The following WHAMM variants were observed in gnomAD, a reference collection of about 807,000 sequenced individuals.
WHAMM encodes the protein WASP homolog associated with actin, golgi membranes and microtubules.
A neutral mutation model predicts 76.5 loss-of-function variants in WHAMM; 67 were observed. The observed-to-expected ratio is 0.88, with a 90% CI of 0.72 to 1.07. WHAMM has a LOEUF of 1.07. Ranked by LOEUF, WHAMM falls within the 50% of genes least tolerant of loss-of-function variation. WHAMM has a pLI of 0.00. For synonymous variants in WHAMM, 419 were observed against 422.1 expected, an observed-to-expected ratio of 0.99 and a Z score of 0.09; for missense variants, 1,021 against 1,051.1, an observed-to-expected ratio of 0.97 and a Z score of 0.40.
chr15:82,828,714 G>A (rs2050978945), intron 8 of WHAMM, among the ~76,000 whole-genome samples: 1 of 152,104 alleles, frequency 6.6e-6, no homozygotes, highest in Non-Finnish European at 1.5e-5. Flanking sequence ...TAAGCTCCCA[G>A]CGAAACTGGA....
intron 2 of WHAMM, among the ~76,000 whole-genome samples, chr15:82,816,467 G>C (rs2050728100): frequency 6.6e-6 from 1 of 152,024 alleles, no homozygotes; most frequent in East Asian, 1.9e-4. Flanking sequence ...AGTGAAAGTG[G>C]GTTTTTTTTT....
intron 5 of WHAMM, among the ~76,000 whole-genome samples, chr15:82,822,772 T>G (rs2050851112): frequency 6.6e-6 from 1 of 152,124 alleles, no homozygotes; most frequent in Non-Finnish European, 1.5e-5. Flanking sequence ...AAAATGTTCT[T>G]TTAGAACTCC....
At chr15:82,815,111 T>TTATATATATATATATATA (rs147147568) in intron 2 of WHAMM, among the ~76,000 whole-genome samples, 3 of 49,608 alleles carry the variant, frequency 6.0e-5, no homozygotes, top group Non-Finnish European at 1.0e-4. Flanking sequence ...CTCACAGATT[T>TTATATATATATATATATA]TATATATATA....
At chr15:82,817,707 G>C (rs1270264281) in intron 3 of WHAMM, among the ~76,000 whole-genome samples, 1 of 152,108 alleles carries the variant, frequency 6.6e-6, no homozygotes, top group Non-Finnish European at 1.5e-5. Context: ...AACTAGGTGA[G>C]ATCATGACTT....
chr15:82,816,647 A>G, intron 2 of WHAMM, 45 bp from the exon 3 acceptor site: 3 of 1,508,044 alleles, frequency 2.0e-6, no homozygotes, highest in African/African-American at 1.4e-5. Context: ...ATGGCTCTAC[A>G]TAACTATTAG....
In WHAMM at chr15:82,813,172, G is replaced by A; in HGVS notation, c.679G>A (p.Ala227Thr). 6.2e-7 allele frequency: 1 copy of A among 1,612,198 alleles called. No homozygotes were observed. Among genetic ancestry groups the A allele is most frequent in the Non-Finnish European group, 8.5e-7 (1 of 1,179,172 alleles). ...GAACGTTTACCAAGAGGAAGATGAA[G>A]CATACCAGGAATTGGTTACCGTGGC... is the stretch of plus-strand genomic sequence containing the variant. ...LMNVYQEEDE[A>T]YQELVTVATM... Residue 227 changes from alanine to threonine, a missense_variant, in exon 2 of 10, where the codon GCA becomes ACA. By Grantham distance (58) the Ala-to-Thr change is moderately conservative. Transcript: ENST00000286760.
At chr15:82,826,544 T>C (rs2050937703) in intron 7 of WHAMM, 48 bp downstream of exon 7, 10 of 1,599,460 alleles carry the variant, frequency 6.3e-6, no homozygotes, top group African/African-American at 1.3e-5. Context: ...TAGCGTGACA[T>C]GCAGGCCTAG....
At chr15:82,826,674 T>C in intron 7 of WHAMM, 77 bp from the exon 8 acceptor site, 1 of 1,529,100 alleles carries the variant, frequency 6.5e-7, no homozygotes, top group Non-Finnish European at 8.8e-7. Flanking sequence ...CTTTCTTTGC[T>C]GAGACATTTT....
At chr15:82,813,491 C>T (rs2050665250) in intron 2 of WHAMM, among the ~76,000 whole-genome samples, 1 of 151,852 alleles carries the variant, frequency 6.6e-6, no homozygotes, top group African/African-American at 2.4e-5. Flanking sequence ...CCTTGGCCTC[C>T]CAAAGCACAG....
At position 82,830,916 on chromosome 15, in the gene WHAMM, G is replaced by GCCCCCACCC. The variant is rs2051020327; in HGVS notation, c.1962_1970dup (p.Pro656_Pro658dup). On this transcript the variant is annotated inframe_insertion, in exon 9 of 10. Coordinates refer to ENST00000286760, the MANE Select transcript of WHAMM (RefSeq NM_001080435.3). Reference sequence around the variant, plus strand: ...CACCACCACCACCGCCGCCACCGCCGCCCCCACCCCCTCCTCTCCGTGCTC... The same window carrying GCCCCCACCC: ...CACCACCACCACCGCCGCCACCGCCGCCCCCACCCCCCCCACCCCCTCCTCTCCGTGCTC... 8 of 1,026,102 alleles carry GCCCCCACCC rather than the reference G, an allele frequency of 7.8e-6. No homozygotes were observed. In the Admixed American group the frequency reaches 1.4e-4, roughly 18 times the overall value. 63.6% of individuals were successfully genotyped at this position (1,026,102 alleles called of 1,614,324 possible). A position where few individuals can be genotyped will look rare whatever the true frequency, so the allele number is the denominator to read the frequency against.
chr15:82,813,801 T>C (rs1346748630), intron 2 of WHAMM, among the ~76,000 whole-genome samples: 1 of 151,588 alleles, frequency 6.6e-6, no homozygotes, highest in Non-Finnish European at 1.5e-5. Flanking sequence ...GGATTACAGG[T>C]GTGTACCACC....
chr15:82,810,775 C>A, intron 1 of WHAMM: 1 of 983,994 alleles, frequency 1.0e-6, no homozygotes, highest in Non-Finnish European at 1.2e-6. Flanking sequence ...GAAGAAATGG[C>A]TTTTAGGAGA....
intron 2 of WHAMM, 146 bp downstream of exon 2, chr15:82,813,422 G>A: frequency 1.1e-6 from 1 of 923,314 alleles, no homozygotes; most frequent in East Asian, 2.9e-5. Flanking sequence ...TGATAGAGAT[G>A]AGGTTTTGCC....
chr15:82,813,589 C>T (rs2050667499), intron 2 of WHAMM, among the ~76,000 whole-genome samples: 2 of 138,708 alleles, frequency 1.4e-5, no homozygotes, highest in South Asian at 4.7e-4. Flanking sequence ...CGTTGGTCAT[C>T]TTAATAGCTT....
At position 82,819,461 on chromosome 15, in the gene WHAMM, T is replaced by G; in HGVS notation, c.1243T>G (p.Leu415Val). ...KNEEILLTTQ[L>V]DSLKRLIKEK... ...CGAAGAAATACTGCTTACTACACAG[T>G]TGGACTCTCTTAAAAGACTTATAAA... The change falls in exon 5 of 10, where the codon TTG (leucine) becomes GTG (valine). Residue 415 changes from leucine (L) to valine (V), a missense_variant. This residue lies in a region of WHAMM where 509 missense variants were observed against 492.3 expected (regional missense o/e 1.03). Coordinates refer to ENST00000286760, the MANE Select transcript of WHAMM (RefSeq NM_001080435.3). 2 of 1,263,662 alleles carry G rather than the reference T, an allele frequency of 1.6e-6. No individual in the cohort carries two copies. The highest frequency in any genetic ancestry group is 2.1e-6 in the Non-Finnish European group (2 of 945,486). 78.3% of individuals were successfully genotyped at this position (1,263,662 alleles called of 1,614,324 possible).
rs1195813170 is a variant in WHAMM at position 82,809,657 on chromosome 15, C to T, written c.-70C>T. ...CGAAAAATGATTTGGCTCGGACTGTCCCGTGACAGGCGGTGCGAGGAGGCC... is the reference window on the plus strand; with the variant it reads ...CGAAAAATGATTTGGCTCGGACTGTTCCGTGACAGGCGGTGCGAGGAGGCC... On this transcript the variant is annotated 5_prime_UTR_variant, in exon 1 of 10. Coordinates refer to ENST00000286760, the MANE Select transcript of WHAMM (RefSeq NM_001080435.3). 1.9e-5 allele frequency: 24 copies of T among 1,265,444 alleles called. No individual in the cohort carries two copies. Among genetic ancestry groups the T allele is most frequent in the Admixed American group, 1.7e-4 (5 of 29,642 alleles). 78.4% of individuals were successfully genotyped at this position (1,265,444 alleles called of 1,614,324 possible).
Position 82,835,722 on chromosome 15 carries a change from CA to C in WHAMM, c.*2187del, listed in dbSNP as rs1242332474. On this transcript the variant is annotated 3_prime_UTR_variant, in exon 10 of 10. Transcript: ENST00000286760. ...TACCTGCCGCTCCCACCCAGGTTCCCAGGGGTGTTCCAGTGGGGGACGCAAC... is the reference window on the plus strand; with the variant it reads ...TACCTGCCGCTCCCACCCAGGTTCCCGGGGTGTTCCAGTGGGGGACGCAAC... 6.6e-6 allele frequency: 1 copy of C among 152,408 alleles called. No homozygotes were observed. 9.4% of individuals were successfully genotyped at this position (152,408 alleles called of 1,614,324 possible). A position where few individuals can be genotyped will look rare whatever the true frequency, so the allele number is the denominator to read the frequency against.
At chr15:82,822,586 C>A (rs1036724776) in intron 5 of WHAMM, among the ~76,000 whole-genome samples, 1 of 152,126 alleles carries the variant, frequency 6.6e-6, no homozygotes, top group Non-Finnish European at 1.5e-5. Flanking sequence ...TATAGGCATG[C>A]GCCACTGTGC....
chr15:82,831,887 T>C (rs757543685), intron 9 of WHAMM, among the ~76,000 whole-genome samples: 5 of 152,224 alleles, frequency 3.3e-5, no homozygotes, highest in African/African-American at 4.8e-5. Context: ...GCAAGGTTAC[T>C]GTAATAAGTG....
Sources: gnomAD v4.1 joint callset for allele counts (sites outside exome capture counted in the v4.1 genomes callset) on GRCh38, gnomAD v4.1.1 for gene constraint, gnomAD v4.1.1 regional missense constraint, MANE v1.5 for transcripts, NCBI Gene and HGNC (gene_info 2026-07-23, HGNC 2026-07-21) for gene names.